The following TMEM232 variants were observed in gnomAD, a reference collection of about 807,000 sequenced individuals.
TMEM232 encodes transmembrane protein 232.
A neutral mutation model predicts 78.8 loss-of-function variants in TMEM232; 80 were observed. The ratio of observed to expected loss-of-function variants is 1.01; its 90% CI spans 0.85 to 1.22. The LOEUF (loss-of-function observed/expected upper bound fraction) is 1.22, where lower values mean the gene tolerates loss of function less well. Ranked by LOEUF, TMEM232 falls within the 50% of genes most tolerant of loss-of-function variation. The pLI is 0.00. For missense variants in TMEM232, 881 were observed against 742.2 expected, an observed-to-expected ratio of 1.19 and a Z score of -2.17; for synonymous variants, 297 against 254.3, an observed-to-expected ratio of 1.17 and a Z score of -1.60.
At chr5:110,595,779 A>G (rs1240702674) in intron 10 of TMEM232, among the ~76,000 whole-genome samples, 1 of 152,184 alleles carries the variant, frequency 6.6e-6, no homozygotes, top group African/African-American at 2.4e-5. Context: ...GACCATGTGG[A>G]AAGACCAAAC....
chr5:110,474,406 T>G (rs1343750991), intron 12 of TMEM232, among the ~76,000 whole-genome samples: 4 of 151,980 alleles, frequency 2.6e-5, no homozygotes, highest in Non-Finnish European at 5.9e-5. Flanking sequence ...TAAACTCCAA[T>G]TCTCATTTTA....
At position 110,657,615 on chromosome 5, in the gene TMEM232, C is replaced by G. The variant is rs138983740; in HGVS notation, c.125+9613G>C. Among the ~76,000 whole-genome samples, 274 of 152,078 alleles carry G rather than the reference C, an allele frequency of 1.8e-3. 2 individuals are homozygous for G. The highest frequency in any genetic ancestry group is 6.3e-3 in the African/African-American group (260 of 41,506). ...TGGGGAGGGTTGAGGTTGGAGGGAA[C>G]TGGGAGAGGTTGGTCAATGGGTACA... On this transcript the variant is annotated intron_variant, in intron 2 of 13. Coordinates refer to ENST00000455884, the MANE Select transcript of TMEM232 (RefSeq NM_001039763.4).
intron 11 of TMEM232, among the ~76,000 whole-genome samples, chr5:110,535,832 G>A (rs1487066165): frequency 1.3e-5 from 2 of 152,154 alleles, no homozygotes; most frequent in Non-Finnish European, 2.9e-5. Flanking sequence ...AGGGTCTGGA[G>A]AAAGGGAACC....
At chr5:110,727,962 G>C (rs1238530266), upstream of TMEM232, among the ~76,000 whole-genome samples, 1 of 152,064 alleles carries the variant, frequency 6.6e-6, no homozygotes, top group Non-Finnish European at 1.5e-5. Flanking sequence ...ATAATAGCCT[G>C]GGGGCTTGCT....
chr5:110,440,681 T>C (rs893298904), intron 12 of TMEM232, among the ~76,000 whole-genome samples: 1 of 152,114 alleles, frequency 6.6e-6, no homozygotes, highest in Non-Finnish European at 1.5e-5. Context: ...ATGAACCAAA[T>C]ATATTTGAAG....
chr5:110,390,855 G>A (rs1304124557), intron 3 of TMEM232, among the ~76,000 whole-genome samples: 1 of 152,210 alleles, frequency 6.6e-6, no homozygotes, highest in Non-Finnish European at 1.5e-5. Flanking sequence ...AGCAGAGAAC[G>A]TGTGCTGACA....
At chr5:110,551,380 G>A (rs967517053) in intron 11 of TMEM232, among the ~76,000 whole-genome samples, 3 of 151,856 alleles carry the variant, frequency 2.0e-5, no homozygotes, top group African/African-American at 4.8e-5. Flanking sequence ...TTGCCACCGC[G>A]CCTGGCTAAT....
At chr5:110,653,038 A>T (rs1788553474) in intron 2 of TMEM232, among the ~76,000 whole-genome samples, 1 of 152,150 alleles carries the variant, frequency 6.6e-6, no homozygotes, top group African/African-American at 2.4e-5. Flanking sequence ...TAAGCTGACA[A>T]TTCATTTGTT....
Position 110,625,409 on chromosome 5 carries a change from T to C in TMEM232, c.626A>G (p.Tyr209Cys). 6.5e-7 allele frequency: 1 copy of C among 1,534,706 alleles called. No homozygotes were observed. The highest frequency in any genetic ancestry group is 2.5e-5 in the East Asian group (1 of 40,348). ...LYALSFSGAS[Y>C]HKYPNIFSNV... is the part of the protein sequence containing the mutation. ...TGAAAAGATGTTTGGATACTTGTGA[T>C]ATGATGCTCCAGAGAAAGAAAGTGC... Residue 209 changes from tyrosine (Y) to cysteine (C), a missense_variant, in exon 7 of 14, where the codon TAT (tyrosine) becomes TGT (cysteine). Physicochemically the swap from Tyr to Cys is radical, Grantham distance 194. Coordinates refer to ENST00000455884, the MANE Select transcript of TMEM232 (RefSeq NM_001039763.4).
At chr5:110,641,688 T>C (rs1021067122) in intron 3 of TMEM232, among the ~76,000 whole-genome samples, 1 of 152,226 alleles carries the variant, frequency 6.6e-6, no homozygotes, top group African/African-American at 2.4e-5. Flanking sequence ...TTGTGCAGCT[T>C]TTATTTAATG....
Position 110,606,180 on chromosome 5 carries a change from A to T in TMEM232, c.1010T>A (p.Met337Lys). ...DVVRDFVSSI[M>K]SVQNQEESCK... ...CAATGTTACCTGATTTTGAACAGACATAATGCTTGAAACAAAATCTCTCAC... is the reference window on the plus strand; with the variant it reads ...CAATGTTACCTGATTTTGAACAGACTTAATGCTTGAAACAAAATCTCTCAC... The change falls in exon 9 of 14, where the codon ATG becomes AAG. Residue 337 changes from methionine (M) to lysine (K), a missense_variant. By Grantham distance (95) the Met-to-Lys change is moderately conservative (BLOSUM62 -1). Transcript: ENST00000455884. 1.3e-6 allele frequency: 2 copies of T among 1,547,876 alleles called. No individual in the cohort carries two copies. The highest frequency in any genetic ancestry group is 1.7e-6 in the Non-Finnish European group (2 of 1,144,452).
At chr5:110,392,318 ACAAGGCAAG>A (rs1241672946) in intron 3 of TMEM232, among the ~76,000 whole-genome samples, 1 of 152,228 alleles carries the variant, frequency 6.6e-6, no homozygotes, top group Non-Finnish European at 1.5e-5. Flanking sequence ...AGCAAAAGGA[ACAAGGCAAG>A]CCTAAGAAAT....
chr5:110,621,689 CTTCT>C (rs1783772055), intron 7 of TMEM232, among the ~76,000 whole-genome samples: 1 of 151,772 alleles, frequency 6.6e-6, no homozygotes. Flanking sequence ...CCCTTTCTTC[CTTCT>C]TTCTCTCCTT....
intron 10 of TMEM232, among the ~76,000 whole-genome samples, chr5:110,599,446 C>A (rs866376594): frequency 1.3e-5 from 2 of 152,086 alleles, no homozygotes; most frequent in Non-Finnish European, 2.9e-5. Context: ...CAAAGACACA[C>A]ATAGGCTCAA....
chr5:110,722,302 G>T (rs888946858), intron 1 of TMEM232, among the ~76,000 whole-genome samples: 1 of 152,180 alleles, frequency 6.6e-6, no homozygotes, highest in Non-Finnish European at 1.5e-5. Context: ...CTCTGGGTTA[G>T]GAATTTGTTA....
chr5:110,431,299 C>T (rs779049622), intron 12 of TMEM232, among the ~76,000 whole-genome samples: 44 of 151,596 alleles, frequency 2.9e-4, no homozygotes, highest in Admixed American at 4.6e-4. Context: ...ACGAGAGAGG[C>T]CTTGATGAAC....
At chr5:110,707,062 C>CAAATA (rs745457771) in intron 1 of TMEM232, among the ~76,000 whole-genome samples, 4 of 152,068 alleles carry the variant, frequency 2.6e-5, no homozygotes, top group Non-Finnish European at 5.9e-5. Flanking sequence ...AAGGAATATC[C>CAAATA]AAATAAAATT....
At chr5:110,625,997 T>C (rs1466492683) in intron 6 of TMEM232, among the ~76,000 whole-genome samples, 1 of 151,884 alleles carries the variant, frequency 6.6e-6, no homozygotes, top group Non-Finnish European at 1.5e-5. Context: ...CTTTGGGTTT[T>C]AGTCCATCCA....
At chr5:110,396,462 C>T (rs1471489102) in intron 3 of TMEM232, among the ~76,000 whole-genome samples, 1 of 152,166 alleles carries the variant, frequency 6.6e-6, no homozygotes, top group African/African-American at 2.4e-5. Flanking sequence ...TAAATCCTAA[C>T]TGTAAACTGT....
Sources: gnomAD v4.1 joint callset for allele counts (sites outside exome capture counted in the v4.1 genomes callset) on GRCh38, gnomAD v4.1.1 for gene constraint, MANE v1.5 for transcripts, NCBI Gene and HGNC (gene_info 2026-07-23, HGNC 2026-07-21) for gene names.